The following SGCG variants were observed in gnomAD, a reference collection of about 807,000 sequenced individuals.
The protein encoded by SGCG is sarcoglycan gamma.
SGCG carries 26 observed loss-of-function variants against 29.3 expected under a neutral mutation model. That is an observed-to-expected ratio of 0.89 (90% CI 0.65 to 1.23). The LOEUF is 1.23. Among genes scored for constraint, SGCG ranks in the 50% most tolerant of loss-of-function variants. SGCG has a pLI of 0.00. For synonymous variants in SGCG, 145 were observed against 129.7 expected (o/e 1.12, Z -0.80); for missense variants, 353 against 356.0 (o/e 0.99, Z 0.07).
At chr13:23,301,443 G>A (rs1882154191) in intron 6 of SGCG, among the ~76,000 whole-genome samples, 1 of 152,186 alleles carries the variant, frequency 6.6e-6, no homozygotes. Flanking sequence ...GGACTTCTTA[G>A]AGAAGTGGCT....
At chr13:23,193,730 A>T (rs1703599597) in intron 1 of SGCG, among the ~76,000 whole-genome samples, 1 of 152,184 alleles carries the variant, frequency 6.6e-6, no homozygotes, top group Admixed American at 6.5e-5. Context: ...ATTAGAGTAG[A>T]GAGTTCAGAG....
chr13:23,320,980 T>A (rs1214570097), intron 7 of SGCG, among the ~76,000 whole-genome samples: 1 of 152,188 alleles, frequency 6.6e-6, no homozygotes, highest in African/African-American at 2.4e-5. Context: ...GACAGCTTTC[T>A]TTAACTGGCA....
At chr13:23,254,677 A>G (rs938030522) in intron 4 of SGCG, among the ~76,000 whole-genome samples, 1 of 152,150 alleles carries the variant, frequency 6.6e-6, no homozygotes, top group Non-Finnish European at 1.5e-5. Flanking sequence ...TATCCAAGAC[A>G]ATGGGGGAAA....
chr13:23,257,867 C>T (rs574316129), intron 4 of SGCG, among the ~76,000 whole-genome samples: 18 of 152,070 alleles, frequency 1.2e-4, no homozygotes, highest in Non-Finnish European at 2.2e-4. Context: ...AGATAAGCGG[C>T]GTTATTTCTG....
At chr13:23,265,858 A>G (rs966293755) in intron 4 of SGCG, among the ~76,000 whole-genome samples, 32 of 152,326 alleles carry the variant, frequency 2.1e-4, no homozygotes, top group African/African-American at 7.2e-4. Flanking sequence ...GGAAAACAGT[A>G]TGGAGATTTC....
At chr13:23,285,134 G>C (rs534347798) in intron 5 of SGCG, among the ~76,000 whole-genome samples, 9 of 152,202 alleles carry the variant, frequency 5.9e-5, no homozygotes, top group African/African-American at 1.9e-4. Flanking sequence ...TAGCTCAAGC[G>C]CTGTGCTGGG....
chr13:23,167,431 G>A, the SGCG span, among the ~76,000 whole-genome samples: 77 of 152,290 alleles, frequency 5.1e-4, 1 homozygote, highest in East Asian at 0.01. Flanking sequence ...CCAGCGGTGG[G>A]ATTGCTGAAT....
chr13:23,216,352 T>C (rs1878427720), intron 2 of SGCG, among the ~76,000 whole-genome samples: 1 of 152,134 alleles, frequency 6.6e-6, no homozygotes. Flanking sequence ...CCAATAAATA[T>C]TTTATGATTC....
chr13:23,200,050 T>A (rs1275747112), intron 1 of SGCG, among the ~76,000 whole-genome samples: 1 of 152,234 alleles, frequency 6.6e-6, no homozygotes, highest in Admixed American at 6.5e-5. Context: ...AGGCTTCAAA[T>A]TAACTCATTA....
intron 6 of SGCG, among the ~76,000 whole-genome samples, chr13:23,300,102 C>G (rs1431962872): frequency 6.6e-6 from 1 of 152,144 alleles, no homozygotes; most frequent in Non-Finnish European, 1.5e-5. Context: ...TGTGTAACAC[C>G]ATAAGGATGT....
chr13:23,172,417 A>G, the SGCG span, among the ~76,000 whole-genome samples: 1 of 152,042 alleles, frequency 6.6e-6, no homozygotes, highest in African/African-American at 2.4e-5. Flanking sequence ...CATATTTAAA[A>G]TACATACAAA....
rs1883155583 is a variant in SGCG at position 23,324,423 on chromosome 13, G to A, written c.758G>A (p.Gly253Asp). The A allele has an allele frequency of 6.2e-7, 1 of 1,614,012 alleles. No homozygotes were observed. The highest frequency in any genetic ancestry group is 8.5e-7 in the Non-Finnish European group (1 of 1,180,026). ...CCCAAGCTGGTGCAGGGGACGTGGGGTCCCTCTGGCAGCTCACAGAGCCTC... is the reference window on the plus strand; with the variant it reads ...CCCAAGCTGGTGCAGGGGACGTGGGATCCCTCTGGCAGCTCACAGAGCCTC... ...CLPKLVQGTWGPSGSSQSLYE... is the reference protein window; with the variant it reads ...CLPKLVQGTWDPSGSSQSLYE... Residue 253 changes from glycine to aspartate, a missense_variant, in exon 8 of 8, where the codon GGT becomes GAT. Coordinates refer to ENST00000218867, the MANE Select transcript of SGCG (RefSeq NM_000231.3).
chr13:23,302,500 GGAGA>G (rs1882200963), intron 6 of SGCG, among the ~76,000 whole-genome samples: 1 of 151,928 alleles, frequency 6.6e-6, no homozygotes, highest in Non-Finnish European at 1.5e-5. Flanking sequence ...AATAACTAAA[GGAGA>G]GAATTTCAGA....
At chr13:23,249,479 C>T (rs536218138) in intron 3 of SGCG, among the ~76,000 whole-genome samples, 2 of 152,290 alleles carry the variant, frequency 1.3e-5, no homozygotes, top group East Asian at 3.9e-4. Flanking sequence ...TTTGCTTTTT[C>T]AGTTGGTTTT....
chr13:23,274,507 CCACCCCCCAGGTTG>C (rs1229981146), intron 4 of SGCG, among the ~76,000 whole-genome samples: 5 of 149,918 alleles, frequency 3.3e-5, no homozygotes, highest in African/African-American at 4.9e-5. Flanking sequence ...GGTGCAAGCT[CCACCCCCCAGGTTG>C]ACGCCATTCT....
At chr13:23,295,793 C>A (rs1053081019) in intron 6 of SGCG, among the ~76,000 whole-genome samples, 6 of 152,332 alleles carry the variant, frequency 3.9e-5, no homozygotes, top group Admixed American at 3.3e-4. Flanking sequence ...TAAAATGCTT[C>A]ATCGCTCCCA....
chr13:23,308,564 T>C (rs905846019), intron 6 of SGCG, among the ~76,000 whole-genome samples: 1 of 152,076 alleles, frequency 6.6e-6, no homozygotes, highest in South Asian at 2.1e-4. Flanking sequence ...CATTTATTTT[T>C]CATGTAATTT....
Position 23,279,151 on chromosome 13 carries a change from T to C in SGCG, c.386-208T>C, listed in dbSNP as rs137897780. On this transcript the variant is annotated intron_variant, in intron 4 of 7. Coordinates refer to ENST00000218867, the MANE Select transcript of SGCG (RefSeq NM_000231.3). ...ACATATATTGATATAGGTTAACATA[T>C]GTTTGACACAATTAATTTTAATAAT... Among the ~76,000 whole-genome samples the C allele has an allele frequency of 3.2e-4, 48 of 152,328 alleles. 1 individual carries two copies. In the Middle Eastern group the frequency reaches 0.01, roughly 32 times the overall value.
chr13:23,248,297 T>C (rs1879800605), intron 3 of SGCG, among the ~76,000 whole-genome samples: 3 of 152,174 alleles, frequency 2.0e-5, no homozygotes. Flanking sequence ...CACTCTGCGG[T>C]GTTTATAACA....
Sources: allele counts gnomAD v4.1 joint callset (sites outside exome capture counted in the v4.1 genomes callset), GRCh38; gene constraint gnomAD v4.1.1; transcripts MANE v1.5; gene names NCBI Gene and HGNC (gene_info 2026-07-23, HGNC 2026-07-21).